The following KCNG3 variants were observed in gnomAD, a reference collection of about 807,000 sequenced individuals.
KCNG3 encodes the protein potassium voltage-gated channel modifier subfamily G member 3.
In KCNG3, 15 loss-of-function variants were observed where a neutral mutation model predicts 29.0. The ratio of observed to expected loss-of-function variants is 0.52; its 90% confidence interval spans 0.35 to 0.80. The LOEUF is 0.80. Among genes scored for constraint, KCNG3 ranks in the 30% least tolerant of loss-of-function variants. The probability of loss-of-function intolerance (pLI) is 0.01; values close to 1 mark genes in which losing one functional copy is unlikely to be tolerated. For missense variants in KCNG3, 512 were observed against 605.7 expected (o/e 0.85, Z 1.62); for synonymous variants, 322 against 248.9 (o/e 1.29, Z -2.76).
At chr2:42,468,222 A>G (rs1673192548) in intron 1 of KCNG3, among the ~76,000 whole-genome samples, 1 of 152,246 alleles carries the variant, frequency 6.6e-6, no homozygotes, top group African/African-American at 2.4e-5. Flanking sequence ...AAAGGTTGCA[A>G]AGACTGTCTT....
chr2:42,493,510 G>T lies in KCNG3; in HGVS notation c.-9C>A. On this transcript the variant is annotated 5_prime_UTR_variant, in exon 1 of 2. Transcript: ENST00000306078. Reference sequence around the variant, plus strand: ...CTGCGCCCGAAGGTCATGGCTGGCCGCCCGGGGGACTTTCGGCCCGAGGGC... The same window carrying T: ...CTGCGCCCGAAGGTCATGGCTGGCCTCCCGGGGGACTTTCGGCCCGAGGGC... The T allele has an allele frequency of 7.3e-7, 1 of 1,361,060 alleles. No homozygotes were observed. Among genetic ancestry groups the T allele is most frequent in the Non-Finnish European group, 9.4e-7 (1 of 1,064,518 alleles). The allele number at this position is 1,361,060 out of a possible 1,614,324, so 84.3% of individuals were successfully genotyped here. A position where few individuals can be genotyped will look rare whatever the true frequency, so the allele number is the denominator to read the frequency against.
chr2:42,405,653 G>T, the KCNG3 span, among the ~76,000 whole-genome samples: 6 of 151,896 alleles, frequency 4.0e-5, no homozygotes, highest in Non-Finnish European at 2.9e-5. Context: ...TGTCGCCCAG[G>T]CTGGAGTGCA....
chr2:42,455,094 G>A (rs1344996865), intron 1 of KCNG3, among the ~76,000 whole-genome samples: 1 of 152,164 alleles, frequency 6.6e-6, no homozygotes. Context: ...GAGCAGTGAT[G>A]GAATACAAAT....
At chr2:42,428,459 GA>G in the KCNG3 span, among the ~76,000 whole-genome samples, 277 of 123,680 alleles carry the variant, frequency 2.2e-3, 2 homozygotes, top group Middle Eastern at 9.4e-3. Flanking sequence ...CCGGTCTCGG[GA>G]AAAAAAAAAA....
At chr2:42,469,151 G>A (rs1673222390) in intron 1 of KCNG3, among the ~76,000 whole-genome samples, 1 of 151,566 alleles carries the variant, frequency 6.6e-6, no homozygotes, top group Admixed American at 6.6e-5. Context: ...GGGCGCAGTG[G>A]CTCACACTTG....
intron 1 of KCNG3, among the ~76,000 whole-genome samples, chr2:42,475,585 C>T (rs1007034214): frequency 3.3e-5 from 5 of 151,256 alleles, no homozygotes; most frequent in African/African-American, 1.2e-4. Flanking sequence ...CCACCTCAGC[C>T]TCCCAAAGTT....
At chr2:42,447,849 A>G (rs1336215335) in intron 1 of KCNG3, among the ~76,000 whole-genome samples, 2 of 152,150 alleles carry the variant, frequency 1.3e-5, no homozygotes, top group South Asian at 2.1e-4. Context: ...ATACGTTTGT[A>G]TATCATTTCC....
the KCNG3 span, among the ~76,000 whole-genome samples, chr2:42,431,280 G>A: frequency 6.6e-6 from 1 of 151,684 alleles, no homozygotes; most frequent in African/African-American, 2.4e-5. Context: ...TTATTTTACA[G>A]TTATGGCAAA....
chr2:42,399,807 G>T, the KCNG3 span, among the ~76,000 whole-genome samples: 1 of 152,144 alleles, frequency 6.6e-6, no homozygotes, highest in Non-Finnish European at 1.5e-5. Flanking sequence ...GGGCTTCTAT[G>T]ACACTACTCA....
intron 1 of KCNG3, among the ~76,000 whole-genome samples, chr2:42,477,388 T>TATACACACACAC (rs1287875177): frequency 9.5e-6 from 1 of 104,768 alleles, no homozygotes; most frequent in African/African-American, 4.0e-5. Flanking sequence ...CACATATATA[T>TATACACACACAC]ACACACACAC....
At chr2:42,487,710 C>T (rs539571663) in intron 1 of KCNG3, among the ~76,000 whole-genome samples, 1 of 152,174 alleles carries the variant, frequency 6.6e-6, no homozygotes, top group Admixed American at 6.5e-5. Flanking sequence ...TTGGAATTAT[C>T]TGTGAAAATT....
chr2:42,468,913 C>T (rs1284811234), intron 1 of KCNG3, among the ~76,000 whole-genome samples: 9 of 133,904 alleles, frequency 6.7e-5, no homozygotes, highest in Non-Finnish European at 1.2e-4. Context: ...GAGATCATGC[C>T]ACTGCACTAC....
intron 1 of KCNG3, among the ~76,000 whole-genome samples, chr2:42,458,934 C>G (rs535217626): frequency 6.6e-6 from 1 of 152,084 alleles, no homozygotes; most frequent in African/African-American, 2.4e-5. Context: ...AATGGCCAGA[C>G]GCCTGAAATC....
Position 42,444,582 on chromosome 2 carries a change from G to A in KCNG3, c.666-3C>T, listed in dbSNP as rs751061364. On this transcript the variant is annotated splice_region_variant and splice_polypyrimidine_tract_variant and intron_variant, in intron 1 of 1. Coordinates refer to ENST00000306078, the MANE Select transcript of KCNG3 (RefSeq NM_133329.6). This position sits in a 1 kb window ranked among gnomAD's most constrained non-coding sequence, Gnocchi z 5.8. ...CTATGCAGATAGCTTCAATTATCCT[G>A]TCAAGAGAACAAAAGAAGAATTGAT... The A allele has an allele frequency of 1.3e-6, 2 of 1,590,002 alleles. No homozygotes were observed. The highest frequency in any genetic ancestry group is 1.7e-4 in the Middle Eastern group (1 of 5,948).
intron 1 of KCNG3, among the ~76,000 whole-genome samples, chr2:42,459,444 C>T (rs1672962787): frequency 6.6e-6 from 1 of 152,180 alleles, no homozygotes; most frequent in Admixed American, 6.5e-5. Context: ...ACGAAATGTG[C>T]ATGGCTTCAG....
chr2:42,444,719 ACAT>A lies in KCNG3; in HGVS notation c.666-143_666-141del, dbSNP rs1414307134. The A allele has an allele frequency of 4.2e-6, 3 of 713,538 alleles. No individual in the cohort carries two copies. The East Asian group carries it at 8.1e-5, about 19-fold the overall frequency. 44.2% of individuals were successfully genotyped at this position (713,538 alleles called of 1,614,324 possible). ...ACATAAAGAACAGACAACATTAGCA[ACAT>A]CATCAGACCACCAGGATGCACGCAA... is the stretch of plus-strand genomic sequence containing the variant. On this transcript the variant is annotated intron_variant, in intron 1 of 1. Transcript: ENST00000306078. This position sits in a 1 kb window ranked among gnomAD's most constrained non-coding sequence, Gnocchi z 5.8.
At chr2:42,458,608 C>A (rs1337704421) in intron 1 of KCNG3, among the ~76,000 whole-genome samples, 3 of 152,166 alleles carry the variant, frequency 2.0e-5, no homozygotes, top group Non-Finnish European at 4.4e-5. Flanking sequence ...CTACAAATAA[C>A]CCTTATCTTT....
At chr2:42,429,376 G>A in the KCNG3 span, among the ~76,000 whole-genome samples, 1 of 152,176 alleles carries the variant, frequency 6.6e-6, no homozygotes, top group Admixed American at 6.5e-5. Flanking sequence ...TCTAGAGACT[G>A]CCACAAATCA....
intron 1 of KCNG3, among the ~76,000 whole-genome samples, chr2:42,483,424 T>C (rs10190656): frequency 1 from 152,357 of 152,362 alleles, 76,176 homozygotes; most frequent in East Asian, 1. Flanking sequence ...AATGATCGTG[T>C]TCTGTGCCAC....
Sources: gnomAD v4.1 joint callset for allele counts (sites outside exome capture counted in the v4.1 genomes callset) on GRCh38, gnomAD v4.1.1 for gene constraint, Gnocchi (gnomAD v3.1) non-coding constraint, MANE v1.5 for transcripts, NCBI Gene and HGNC (gene_info 2026-07-23, HGNC 2026-07-21) for gene names.